Variants in MTFR2 observed in about 807,000 individuals in gnomAD.
MTFR2 encodes the protein DUF729 domain-containing protein 1.
In MTFR2, 44 loss-of-function variants were observed where a neutral mutation model predicts 41.2. The observed-to-expected ratio is 1.07, with a 90% CI of 0.84 to 1.37. The LOEUF (loss-of-function observed/expected upper bound fraction) is 1.37, where lower values mean the gene tolerates loss of function less well. MTFR2 is among the 40% of genes most tolerant of loss of function. MTFR2 has a pLI of 0.00. For synonymous variants in MTFR2, 141 were observed against 154.6 expected, an observed-to-expected ratio of 0.91 and a Z score of 0.65; for missense variants, 452 against 459.5, an observed-to-expected ratio of 0.98 and a Z score of 0.15.
chr6:136,232,213 ATG>A (rs201629760), intron 7 of MTFR2, among the ~76,000 whole-genome samples: 29 of 152,044 alleles, frequency 1.9e-4, no homozygotes, highest in African/African-American at 4.8e-4. Context: ...TGGAGTGGCA[ATG>A]TGTGTGTGTG....
At chr6:136,244,137 G>T (rs570741472) in intron 3 of MTFR2, among the ~76,000 whole-genome samples, 1 of 152,172 alleles carries the variant, frequency 6.6e-6, no homozygotes, top group East Asian at 1.9e-4. Flanking sequence ...TATTATTGAA[G>T]AAAGGGTTTT....
intron 7 of MTFR2, 65 bp from the exon 8 acceptor site, chr6:136,231,453 G>A: frequency 3.0e-6 from 3 of 989,910 alleles, no homozygotes; most frequent in Non-Finnish European, 4.6e-6. Flanking sequence ...AGAATGGCAA[G>A]ACAAAGGCCA....
chr6:136,245,788 A>G (rs189245748), intron 2 of MTFR2, among the ~76,000 whole-genome samples: 48 of 152,326 alleles, frequency 3.2e-4, no homozygotes, highest in African/African-American at 1.1e-3. Context: ...GGAGCATTTC[A>G]GATTTCAGGT....
At chr6:136,248,247 G>T (rs757784601) in intron 2 of MTFR2, among the ~76,000 whole-genome samples, 2 of 152,124 alleles carry the variant, frequency 1.3e-5, no homozygotes, top group Non-Finnish European at 2.9e-5. Context: ...TATTGTCTTA[G>T]ATACAGCAGA....
Position 136,233,342 on chromosome 6 carries a change from T to C in MTFR2, c.1027A>G (p.Ser343Gly), listed in dbSNP as rs768860898. The C allele has an allele frequency of 1.6e-5, 26 of 1,612,788 alleles. No homozygotes were observed. The highest frequency in any genetic ancestry group is 2.2e-5 in the Non-Finnish European group (26 of 1,179,338). Reference sequence around the variant, plus strand: ...TAGCTTACCCTTGAAGTTTCTGGACTAGAAAATGGGGAAGATTCCCAAGAT... The same window carrying C: ...TAGCTTACCCTTGAAGTTTCTGGACCAGAAAATGGGGAAGATTCCCAAGAT... ...NRSWESSPFS[S>G]PETSRFGHHI... The change falls in exon 7 of 8, where the codon AGT (serine) becomes GGT (glycine). Residue 343 changes from serine (S) to glycine (G), a missense_variant. Transcript: ENST00000420702.
At chr6:136,245,609 C>A (rs1780193462) in intron 2 of MTFR2, among the ~76,000 whole-genome samples, 1 of 152,150 alleles carries the variant, frequency 6.6e-6, no homozygotes, top group Non-Finnish European at 1.5e-5. Context: ...ATTAAAACAA[C>A]CAATAAACCG....
chr6:136,233,179 A>T, intron 7 of MTFR2, 146 bp downstream of exon 7: 1 of 580,116 alleles, frequency 1.7e-6, no homozygotes, highest in Non-Finnish European at 2.8e-6. Flanking sequence ...AACAACAAAA[A>T]AACCCCAGAA....
intron 3 of MTFR2, among the ~76,000 whole-genome samples, chr6:136,243,866 A>G (rs1780149049): frequency 6.6e-6 from 1 of 152,120 alleles, no homozygotes; most frequent in South Asian, 2.1e-4. Flanking sequence ...GTGGAGGTAG[A>G]AGGCAGTGAT....
chr6:136,236,385 G>C lies in MTFR2; in HGVS notation c.870-2886C>G, dbSNP rs181074470. ...GATGGAAGGCAGAGAATCTGCACGG[G>C]GAATCTGTAGGTGTAAAGAGGTGAG... On this transcript the variant is annotated intron_variant, in intron 6 of 7. Transcript: ENST00000420702. 3.2e-4 allele frequency among the ~76,000 whole-genome samples: 49 copies of C among 152,322 alleles called. 2 individuals carry two copies. In the East Asian group the frequency reaches 8.3e-3, roughly 26 times the overall value.
At chr6:136,248,749 GT>G (rs1583977732) in intron 2 of MTFR2, 7 of 374,086 alleles carry the variant, frequency 1.9e-5, no homozygotes, top group Non-Finnish European at 4.7e-6. Flanking sequence ...TTGAATAGAA[GT>G]TTTAATGTAT....
rs71006791 is a variant in MTFR2 at position 136,231,669 on chromosome 6, T to TAAAAAAAAAAAAAAA, written c.1045-296_1045-282dup. On this transcript the variant is annotated intron_variant, in intron 7 of 7. Transcript: ENST00000420702. ...CTGAAATTAAGTGCTAAAAACTATG[T>TAAAAAAAAAAAAAAA]AAAAAAAAAAAAAAAAAAAAAAAGA... is the stretch of plus-strand genomic sequence containing the variant. Among the ~76,000 whole-genome samples the TAAAAAAAAAAAAAAA allele has an allele frequency of 6.5e-4, 54 of 82,892 alleles. 1 individual carries two copies. The highest frequency in any genetic ancestry group is 2.4e-3 in the African/African-American group (51 of 21,280). The allele number at this position is 82,892 out of a possible 152,430, so 54.4% of individuals were successfully genotyped here. A position where few individuals can be genotyped will look rare whatever the true frequency, so the allele number is the denominator to read the frequency against.
intron 2 of MTFR2, among the ~76,000 whole-genome samples, chr6:136,245,327 G>A (rs1780187492): frequency 6.6e-6 from 1 of 152,058 alleles, no homozygotes; most frequent in Admixed American, 6.6e-5. Flanking sequence ...AAATAAAAAA[G>A]GGAATAAATA....
rs76804094 is a variant in MTFR2, at chr6:136,247,481, A to G, written c.63+1556T>C. On this transcript the variant is annotated intron_variant, in intron 2 of 7. Transcript: ENST00000420702. ...ACTACCTTCTCAAAGGCGGTGCTCAATCCTCTCTCATGTGGATCTTAAATT... is the reference window on the plus strand; with the variant it reads ...ACTACCTTCTCAAAGGCGGTGCTCAGTCCTCTCTCATGTGGATCTTAAATT... The G allele has an allele frequency of 8.6e-4, 390 of 455,974 alleles. 1 individual carries two copies. The highest frequency in any genetic ancestry group is 6.6e-3 in the African/African-American group (329 of 50,150). 28.2% of individuals were successfully genotyped at this position (455,974 alleles called of 1,614,324 possible).
At chr6:136,240,918 C>CATCTCTACTAAAAATACAAAAAATTA (rs1354532031) in intron 5 of MTFR2, among the ~76,000 whole-genome samples, 16 of 147,326 alleles carry the variant, frequency 1.1e-4, no homozygotes, top group African/African-American at 4.3e-4. Context: ...GGTGAAACCC[C>CATCTCTACTAAAAATACAAAAAATTA]GTCTCTACTA....
At chr6:136,239,338 G>A in intron 6 of MTFR2, 128 bp downstream of exon 6, 1 of 641,820 alleles carries the variant, frequency 1.6e-6, no homozygotes. Flanking sequence ...ATTATCTCTA[G>A]GAGAGGTATT....
intron 2 of MTFR2, among the ~76,000 whole-genome samples, chr6:136,246,174 A>ATTAACTAATCTTGCTCGGCAGTTT (rs1780207027): frequency 3.3e-5 from 5 of 152,152 alleles, no homozygotes; most frequent in Admixed American, 2.0e-4. Context: ...TTTAAATGAT[A>ATTAACTAATCTTGCTCGGCAGTTT]CCTTCCTATC....
chr6:136,249,638 G>A lies in MTFR2; in HGVS notation c.-55+338C>T, dbSNP rs1780310456. Among the ~76,000 whole-genome samples the A allele has an allele frequency of 1.3e-5, 2 of 152,150 alleles. 1 individual carries two copies. The highest frequency in any genetic ancestry group is 4.8e-5 in the African/African-American group (2 of 41,420). ...AGGTGAAGATAACTGAATCATGGGGGCAGCTTCCCCCATACTATGCTCGTG... is the reference window on the plus strand; with the variant it reads ...AGGTGAAGATAACTGAATCATGGGGACAGCTTCCCCCATACTATGCTCGTG... On this transcript the variant is annotated intron_variant, in intron 1 of 7. Coordinates refer to ENST00000420702, the MANE Select transcript of MTFR2 (RefSeq NM_001099286.3).
intron 6 of MTFR2, among the ~76,000 whole-genome samples, chr6:136,238,532 G>C (rs986602995): frequency 4.6e-5 from 7 of 152,096 alleles, no homozygotes; most frequent in African/African-American, 1.4e-4. Flanking sequence ...AGGGGAGAGG[G>C]AAATGATTAC....
intron 5 of MTFR2, 63 bp downstream of exon 5, chr6:136,241,381 A>C: frequency 7.8e-7 from 1 of 1,276,594 alleles, no homozygotes; most frequent in Non-Finnish European, 1.1e-6. Context: ...CATGCTGTAC[A>C]GGTTGGTATA....
Sources: allele counts gnomAD v4.1 joint callset (sites outside exome capture counted in the v4.1 genomes callset), GRCh38; gene constraint gnomAD v4.1.1; transcripts MANE v1.5; gene names NCBI Gene and HGNC (gene_info 2026-07-23, HGNC 2026-07-21).